Variants in MAF observed in about 807,000 individuals in gnomAD.
The protein encoded by MAF is MAF bZIP transcription factor, also known as transcription factor Maf.
A neutral mutation model predicts 22.0 loss-of-function variants in MAF; 10 were observed. That is an observed-to-expected ratio of 0.45 (90% CI 0.28 to 0.77). The LOEUF is 0.77. Among genes scored for constraint, MAF ranks in the 30% least tolerant of loss-of-function variants. The pLI is 0.12. For missense variants in MAF, 544 were observed against 548.4 expected, an observed-to-expected ratio of 0.99 and a Z score of 0.08; for synonymous variants, 337 against 255.8, an observed-to-expected ratio of 1.32 and a Z score of -3.03.
the MAF span, among the ~76,000 whole-genome samples, chr16:79,379,302 A>G: frequency 1.3e-5 from 2 of 152,202 alleles, no homozygotes; most frequent in Admixed American, 6.5e-5. Context: ...CATGATGCTG[A>G]AATGGGAGCA....
chr16:79,346,815 C>A, the MAF span, among the ~76,000 whole-genome samples: 1 of 152,166 alleles, frequency 6.6e-6, no homozygotes, highest in East Asian at 1.9e-4. Context: ...TGTTTAAATA[C>A]CCAAATACCG....
the MAF span, among the ~76,000 whole-genome samples, chr16:79,223,149 C>G: frequency 6.6e-6 from 1 of 151,944 alleles, no homozygotes; most frequent in African/African-American, 2.4e-5. Flanking sequence ...TGCAAAAGAA[C>G]GGACAACATA....
At chr16:79,439,472 G>C in the MAF span, among the ~76,000 whole-genome samples, 1 of 152,004 alleles carries the variant, frequency 6.6e-6, no homozygotes, top group South Asian at 2.1e-4. Context: ...TTGTTAGCCA[G>C]GATGGTCTCA....
At chr16:79,463,218 G>C in the MAF span, among the ~76,000 whole-genome samples, 6 of 152,318 alleles carry the variant, frequency 3.9e-5, no homozygotes, top group South Asian at 8.3e-4. Flanking sequence ...GGTTGCAGAT[G>C]GGTCCGGGTC....
At chr16:79,369,050 A>C in the MAF span, among the ~76,000 whole-genome samples, 4 of 152,354 alleles carry the variant, frequency 2.6e-5, no homozygotes, top group African/African-American at 9.6e-5. Context: ...CTCTTAGAAC[A>C]GTGTTGGACA....
the MAF span, among the ~76,000 whole-genome samples, chr16:79,440,709 C>G: frequency 6.6e-6 from 1 of 152,204 alleles, no homozygotes; most frequent in African/African-American, 2.4e-5. Context: ...CCACACTCAG[C>G]CAACCTCATC....
chr16:79,598,234 G>A (rs1913684430), intron 1 of MAF: 4 of 1,060,226 alleles, frequency 3.8e-6, no homozygotes, highest in Non-Finnish European at 3.4e-6. Flanking sequence ...GAAAAAAGGT[G>A]GGCAACACAG....
the MAF span, among the ~76,000 whole-genome samples, chr16:79,218,430 T>C: frequency 1.3e-5 from 2 of 152,318 alleles, no homozygotes; most frequent in East Asian, 1.9e-4. Context: ...CTTCTATCAA[T>C]TGATCTCCTC....
chr16:79,504,122 C>T, the MAF span, among the ~76,000 whole-genome samples: 1 of 152,206 alleles, frequency 6.6e-6, no homozygotes, highest in African/African-American at 2.4e-5. Context: ...TCAGATGTGA[C>T]TTTTCACCTT....
the MAF span, among the ~76,000 whole-genome samples, chr16:79,288,293 C>G: frequency 6.6e-6 from 1 of 152,182 alleles, no homozygotes; most frequent in Non-Finnish European, 1.5e-5. Flanking sequence ...GTCACACCAT[C>G]GCCATTTCTG....
chr16:79,494,233 C>T, the MAF span, among the ~76,000 whole-genome samples: 1 of 152,164 alleles, frequency 6.6e-6, no homozygotes. Flanking sequence ...TAATGAAAGC[C>T]AGGGAATTAG....
the MAF span, among the ~76,000 whole-genome samples, chr16:79,460,586 C>T: frequency 1.3e-5 from 2 of 152,082 alleles, no homozygotes; most frequent in East Asian, 1.9e-4. Flanking sequence ...AATCCATTTG[C>T]TCTTTTGCTT....
the MAF span, among the ~76,000 whole-genome samples, chr16:79,326,521 G>A: frequency 1.3e-5 from 2 of 152,176 alleles, no homozygotes; most frequent in South Asian, 2.1e-4. Flanking sequence ...ACGTGAGCAC[G>A]ACATTAAATT....
chr16:79,355,410 T>C, the MAF span, among the ~76,000 whole-genome samples: 4 of 151,854 alleles, frequency 2.6e-5, no homozygotes, highest in African/African-American at 7.3e-5. Context: ...CCCAGCGGAG[T>C]CAAAGGACAG....
the MAF span, among the ~76,000 whole-genome samples, chr16:79,310,194 C>G: frequency 6.6e-6 from 1 of 152,136 alleles, no homozygotes; most frequent in African/African-American, 2.4e-5. Flanking sequence ...TGCATGAGGT[C>G]AATCCCTGAC....
chr16:79,523,123 C>T, the MAF span, among the ~76,000 whole-genome samples: 35,849 of 152,112 alleles, frequency 0.24, 4,529 homozygotes, highest in Non-Finnish European at 0.29. Context: ...TTTTCTGATC[C>T]GTTGGTCAAT....
the MAF span, among the ~76,000 whole-genome samples, chr16:79,296,510 T>C: frequency 6.6e-5 from 10 of 152,260 alleles, no homozygotes; most frequent in African/African-American, 1.9e-4. Flanking sequence ...TGCACATGTA[T>C]CCTGGAACTT....
At chr16:79,366,024 A>C in the MAF span, among the ~76,000 whole-genome samples, 1 of 152,194 alleles carries the variant, frequency 6.6e-6, no homozygotes, top group Admixed American at 6.6e-5. Flanking sequence ...TAATTTTGAG[A>C]CTGCCTTTTT....
the MAF span, among the ~76,000 whole-genome samples, chr16:79,253,810 G>T: frequency 2.6e-5 from 4 of 152,026 alleles, no homozygotes; most frequent in Non-Finnish European, 5.9e-5. Flanking sequence ...CTGTTCTGAG[G>T]CTCGTTTTAG....
Sources: allele counts gnomAD v4.1 joint callset (sites outside exome capture counted in the v4.1 genomes callset), GRCh38; gene constraint gnomAD v4.1.1; transcripts MANE v1.5; gene names NCBI Gene and HGNC (gene_info 2026-07-23, HGNC 2026-07-21).